The following MCCC1 variants were observed in gnomAD, a reference collection of about 807,000 sequenced individuals.
MCCC1 encodes the protein methylcrotonoyl-CoA carboxylase subunit alpha, mitochondrial.
A neutral mutation model predicts 83.8 loss-of-function variants in MCCC1; 64 were observed. The observed-to-expected ratio is 0.76, with a 90% confidence interval of 0.62 to 0.94. The LOEUF is 0.94. Ranked by LOEUF, MCCC1 falls within the 40% of genes least tolerant of loss-of-function variation. MCCC1 has a pLI of 0.00. For missense variants in MCCC1, 807 were observed against 904.7 expected, an observed-to-expected ratio of 0.89 and a Z score of 1.39; for synonymous variants, 322 against 315.4, an observed-to-expected ratio of 1.02 and a Z score of -0.22.
rs1308203447 is a variant in MCCC1, at chr3:183,037,201, A to G, written c.1594+17T>C. Reference sequence around the variant, plus strand: ...GCAAAACTTGACAAGCAGAGGAAAGAGAAAAGCCTTCCATACCATGTGCCT... The same window carrying G: ...GCAAAACTTGACAAGCAGAGGAAAGGGAAAAGCCTTCCATACCATGTGCCT... On this transcript the variant is annotated intron_variant, in intron 13 of 18. Coordinates refer to ENST00000265594, the MANE Select transcript of MCCC1 (RefSeq NM_020166.5). The G allele has an allele frequency of 6.2e-7, 1 of 1,611,922 alleles. No homozygotes were observed. The highest frequency in any genetic ancestry group is 8.5e-7 in the Non-Finnish European group (1 of 1,179,364).
At chr3:183,074,092 T>C (rs1716888848) in intron 4 of MCCC1, among the ~76,000 whole-genome samples, 1 of 152,232 alleles carries the variant, frequency 6.6e-6, no homozygotes, top group South Asian at 2.1e-4. Flanking sequence ...AATTGTTGAT[T>C]TCTGGAATTT....
chr3:183,088,081 G>T (rs1718036122), intron 3 of MCCC1, among the ~76,000 whole-genome samples: 1 of 152,092 alleles, frequency 6.6e-6, no homozygotes, highest in Non-Finnish European at 1.5e-5. Context: ...GGCCAGAGAG[G>T]ATGCTGGACA....
At chr3:183,017,402 T>G in intron 17 of MCCC1, 65 bp from the exon 18 acceptor site, 2 of 1,423,652 alleles carry the variant, frequency 1.4e-6, no homozygotes, top group South Asian at 2.3e-5. Context: ...TTCATCTGCT[T>G]CATTATAGTA....
intron 3 of MCCC1, among the ~76,000 whole-genome samples, chr3:183,089,829 G>A (rs1718185502): frequency 1.3e-5 from 2 of 152,126 alleles, no homozygotes; most frequent in African/African-American, 4.8e-5. Context: ...GTACTCTACG[G>A]GGTTAGGGAA....
At chr3:183,026,399 A>C (rs1246092927) in intron 14 of MCCC1, among the ~76,000 whole-genome samples, 1 of 152,170 alleles carries the variant, frequency 6.6e-6, no homozygotes, top group Non-Finnish European at 1.5e-5. Context: ...CCTCAACAAA[A>C]AGGCTGCAGT....
At chr3:183,057,044 G>A (rs1041920976) in intron 8 of MCCC1, among the ~76,000 whole-genome samples, 14 of 152,114 alleles carry the variant, frequency 9.2e-5, no homozygotes, top group African/African-American at 2.7e-4. Flanking sequence ...ACAGCTTTTC[G>A]CTGTAAATCA....
Position 183,041,642 on chromosome 3 carries a change from C to A in MCCC1, c.1192G>T (p.Val398Leu), listed in dbSNP as rs771970394. 3 of 1,614,228 alleles carry A rather than the reference C, an allele frequency of 1.9e-6. 1 individual carries two copies. The South Asian group carries it at 3.3e-5, about 18-fold the overall frequency. ...GAGAGGTGCACTAATGGGCCTGCCACAGGCATGAAGTTATTGCTAGGATCT... is the reference window on the plus strand; with the variant it reads ...GAGAGGTGCACTAATGGGCCTGCCAAAGGCATGAAGTTATTGCTAGGATCT... The part of the protein sequence containing the change: ...AEDPSNNFMP[V>L]AGPLVHLSTP... The change falls in exon 11 of 19, where the codon GTG becomes TTG. Residue 398 changes from valine to leucine, a missense_variant. Physicochemically the swap from Val to Leu is conservative, Grantham distance 32. Transcript: ENST00000265594.
chr3:183,021,815 T>A (rs1712181867), intron 16 of MCCC1, among the ~76,000 whole-genome samples: 1 of 152,244 alleles, frequency 6.6e-6, no homozygotes, highest in African/African-American at 2.4e-5. Context: ...CAAAGCACTG[T>A]GAGGCCACAG....
chr3:183,092,457 A>C lies in MCCC1; in HGVS notation c.225T>G (p.Thr75=). 1.9e-6 allele frequency: 3 copies of C among 1,614,220 alleles called. No individual in the cohort carries two copies. The highest frequency in any genetic ancestry group is 2.5e-6 in the Non-Finnish European group (3 of 1,180,032). The change falls in exon 3 of 19, where the codon ACT becomes ACG. Residue 75 remains threonine, a synonymous_variant. Coordinates refer to ENST00000265594, the MANE Select transcript of MCCC1 (RefSeq NM_020166.5). ...MRTAKKLGVQ[T]VAVYSEADRN... Reference sequence around the variant, plus strand: ...TGTCAGCCTCACTATAAACCGCCACAGTCTGTACACCCAGTTTTTTGGCTG... The same window carrying C: ...TGTCAGCCTCACTATAAACCGCCACCGTCTGTACACCCAGTTTTTTGGCTG...
chr3:183,102,476 A>T (rs1348741242), upstream of MCCC1, among the ~76,000 whole-genome samples: 4 of 152,170 alleles, frequency 2.6e-5, no homozygotes, highest in Non-Finnish European at 5.9e-5. Context: ...CTATTAAGAA[A>T]TCAATTAATA....
At chr3:183,085,505 T>G (rs775669781) in intron 4 of MCCC1, among the ~76,000 whole-genome samples, 86 of 151,928 alleles carry the variant, frequency 5.7e-4, no homozygotes, top group Non-Finnish European at 1.6e-4. Flanking sequence ...GGCATGCGCC[T>G]GTGGTCCCAG....
At chr3:183,103,656 A>C (rs1348697107), upstream of MCCC1, among the ~76,000 whole-genome samples, 2 of 152,182 alleles carry the variant, frequency 1.3e-5, no homozygotes, top group Non-Finnish European at 2.9e-5. Context: ...CCACGTCCCC[A>C]CCAGACTCAG....
intron 1 of MCCC1, among the ~76,000 whole-genome samples, chr3:183,113,097 G>A (rs899095082): frequency 1.3e-5 from 2 of 151,406 alleles, no homozygotes; most frequent in Admixed American, 6.6e-5. Flanking sequence ...GGTAGTGGGC[G>A]CCTGTAACCT....
At chr3:183,099,566 C>T (rs1157967819), upstream of MCCC1, 22 of 1,134,996 alleles carry the variant, frequency 1.9e-5, no homozygotes, top group South Asian at 2.6e-4. Flanking sequence ...CTGAGCCTAC[C>T]TTTGGGCTGA....
In MCCC1 at chr3:183,045,430, C is replaced by A. The variant is rs1408269589; in HGVS notation, c.1066G>T (p.Val356Leu). ...ATTCTCACTCTAAGCTGCCACTCCA[C>A]CAAGTCAGTTCCTGTGATCATCTCA... ...VTEMITGTDL[V>L]EWQLRIAAGE... The change falls in exon 10 of 19, where the codon GTG becomes TTG. Residue 356 changes from valine to leucine, a missense_variant. Val to Leu is a conservative substitution (Grantham distance 32). Coordinates refer to ENST00000265594, the MANE Select transcript of MCCC1 (RefSeq NM_020166.5). 1 of 1,614,036 alleles carries A rather than the reference C, an allele frequency of 6.2e-7. No homozygotes were observed. The highest frequency in any genetic ancestry group is 8.5e-7 in the Non-Finnish European group (1 of 1,180,014).
At chr3:183,090,710 C>T (rs958794537) in intron 3 of MCCC1, among the ~76,000 whole-genome samples, 2 of 152,104 alleles carry the variant, frequency 1.3e-5, no homozygotes, top group African/African-American at 4.8e-5. Context: ...CTGCCTCAGC[C>T]TCCCGAGTAG....
intron 7 of MCCC1, among the ~76,000 whole-genome samples, chr3:183,065,321 C>T (rs1259410754): frequency 6.6e-6 from 1 of 152,076 alleles, no homozygotes; most frequent in East Asian, 1.9e-4. Context: ...ATACCGGGTT[C>T]AGGATTCAGT....
chr3:183,067,407 T>C (rs1334049432), intron 7 of MCCC1, among the ~76,000 whole-genome samples: 2 of 152,248 alleles, frequency 1.3e-5, no homozygotes, highest in Non-Finnish European at 2.9e-5. Context: ...AAAGCCTGTA[T>C]GGCAAATAAT....
At chr3:183,031,886 C>T (rs1713112853) in intron 14 of MCCC1, among the ~76,000 whole-genome samples, 1 of 150,024 alleles carries the variant, frequency 6.7e-6, no homozygotes, top group Non-Finnish European at 1.5e-5. Flanking sequence ...CTAGGCTGAT[C>T]TCAAACTCCT....
Sources: allele counts gnomAD v4.1 joint callset (sites outside exome capture counted in the v4.1 genomes callset), GRCh38; gene constraint gnomAD v4.1.1; transcripts MANE v1.5; gene names NCBI Gene and HGNC (gene_info 2026-07-23, HGNC 2026-07-21).